HECTD4: variants seen among roughly 807,000 people sequenced by gnomAD.
HECTD4 encodes the protein probable E3 ubiquitin-protein ligase HECTD4.
A neutral mutation model predicts 471.5 loss-of-function variants in HECTD4; 114 were observed. That is an observed-to-expected ratio of 0.24 (90% CI 0.21 to 0.28). The LOEUF (loss-of-function observed/expected upper bound fraction) is 0.28. Among genes scored for constraint, HECTD4 ranks in the 10% least tolerant of loss-of-function variants. The pLI is 1.00. For missense variants in HECTD4, 3,866 were observed against 5,651.5 expected (o/e 0.68, Z 10.13); for synonymous variants, 2,012 against 2,256.0 (o/e 0.89, Z 3.07).
intron 72 of HECTD4, among the ~76,000 whole-genome samples, chr12:112,164,957 C>T (rs1169152604): frequency 2.1e-5 from 3 of 145,384 alleles, no homozygotes; most frequent in Admixed American, 7.0e-5. Context: ...GACAGATTCT[C>T]GCTCTGTCAG....
In HECTD4 at chr12:112,256,452, A is replaced by G. The variant is rs1481152675; in HGVS notation, c.3195T>C (p.Ala1065=). Residue 1065 remains alanine, a synonymous_variant, in exon 21 of 76, where the codon GCT becomes GCC. Transcript: ENST00000682272. ...TGLKIPAPWA[A]GKTVETVHPV... ...GGTGGACTGTTTCCACAGTCTTTCC[A>G]GCAGCCCATGGGGCAGGAATCTTTA... 1.2e-6 allele frequency: 2 copies of G among 1,611,996 alleles called. No homozygotes were observed. Among genetic ancestry groups the G allele is most frequent in the South Asian group, 1.1e-5 (1 of 90,550 alleles).
chr12:112,229,622 T>C (rs188382948), intron 41 of HECTD4, 76 bp downstream of exon 41: 14 of 1,402,128 alleles, frequency 1.0e-5, no homozygotes, highest in Non-Finnish European at 1.4e-5. Flanking sequence ...ATACTTGTCT[T>C]ACAGATGATC....
At chr12:112,202,501 TG>T (rs1272851672) in intron 54 of HECTD4, among the ~76,000 whole-genome samples, 2 of 152,148 alleles carry the variant, frequency 1.3e-5, no homozygotes, top group Admixed American at 1.3e-4. Context: ...CCACCACATC[TG>T]GCCTAAAGAT....
intron 7 of HECTD4, among the ~76,000 whole-genome samples, chr12:112,290,867 A>AAAAAAAAAAC (rs1566100751): frequency 4.1e-5 from 6 of 147,278 alleles, no homozygotes; most frequent in Admixed American, 6.7e-5. Context: ...ACAAAACAAA[A>AAAAAAAAAAC]AAAAAAAACA....
intron 7 of HECTD4, among the ~76,000 whole-genome samples, chr12:112,301,524 T>C: frequency 6.6e-6 from 1 of 152,250 alleles, no homozygotes; most frequent in East Asian, 1.9e-4. Flanking sequence ...CTCTTTATTT[T>C]CTGTTCTCTT....
At chr12:112,258,190 G>GA (rs71920161) in intron 20 of HECTD4, among the ~76,000 whole-genome samples, 164 of 128,150 alleles carry the variant, frequency 1.3e-3, no homozygotes, top group Middle Eastern at 8.3e-3. Flanking sequence ...CTCCATCTCA[G>GA]AAAAAAAAAA....
rs768809569 is a variant in HECTD4, at chr12:112,229,793, G to A, written c.6424C>T (p.Leu2142Phe). 1.2e-6 allele frequency: 2 copies of A among 1,613,886 alleles called. No individual in the cohort carries two copies. The highest frequency in any genetic ancestry group is 1.7e-6 in the Non-Finnish European group (2 of 1,179,890). Residue 2142 changes from leucine to phenylalanine, a missense_variant, in exon 41 of 76, where the codon CTT becomes TTT. Physicochemically the swap from Leu to Phe is conservative, Grantham distance 22. This residue lies in a region of HECTD4 where 617 missense variants were observed against 915.1 expected (regional missense o/e 0.67). Transcript: ENST00000682272. ...LENGSSSGRK[L>F]AKLQRIARQA... Reference sequence around the variant, plus strand: ...CGTGCAATTCTCTGAAGTTTGGCAAGTTTCCTGCCACTGCTGCTGCCATTT... The same window carrying A: ...CGTGCAATTCTCTGAAGTTTGGCAAATTTCCTGCCACTGCTGCTGCCATTT...
intron 32 of HECTD4, among the ~76,000 whole-genome samples, chr12:112,242,883 C>T (rs753347303): frequency 5.9e-5 from 9 of 152,276 alleles, no homozygotes; most frequent in Non-Finnish European, 1.0e-4. Flanking sequence ...TGCACTCCAG[C>T]CTTGGTGACA....
intron 70 of HECTD4, 65 bp from the exon 71 acceptor site, chr12:112,167,982 C>T (rs2031048259): frequency 5.5e-6 from 7 of 1,262,810 alleles, no homozygotes; most frequent in Non-Finnish European, 6.9e-6. Context: ...CCGTTCCCTC[C>T]CTCTCACCTG....
At position 112,270,325 on chromosome 12, in the gene HECTD4, T is replaced by C. The variant is rs754623604; in HGVS notation, c.2077A>G (p.Ile693Val). The C allele has an allele frequency of 3.1e-6, 5 of 1,613,932 alleles. No homozygotes were observed. In the East Asian group the frequency reaches 6.7e-5, roughly 22 times the overall value. ...ITSVLGKQHP[I>V]EAHHLSSICD... ...ATACTGCTAAGATGATGTGCTTCAA[T>C]TGGATGCTGCTTGCCCAAGACACTT... Residue 693 changes from isoleucine (I) to valine (V), a missense_variant, in exon 12 of 76, where the codon ATT becomes GTT. Ile to Val is a conservative substitution (Grantham distance 29, BLOSUM62 3). Around this residue, in one of 16 missense-constraint regions of HECTD4, gnomAD observed 525 missense variants for 672.6 expected, o/e 0.78. Transcript: ENST00000682272.
chr12:112,304,864 G>GTTGGA (rs541269545), intron 7 of HECTD4, among the ~76,000 whole-genome samples: 1 of 152,142 alleles, frequency 6.6e-6, no homozygotes, highest in South Asian at 2.1e-4. Flanking sequence ...CTGCTGCTGG[G>GTTGGA]TTGGATGACT....
chr12:112,355,836 A>G (rs1201496682), intron 1 of HECTD4, among the ~76,000 whole-genome samples: 1 of 152,242 alleles, frequency 6.6e-6, no homozygotes, highest in Non-Finnish European at 1.5e-5. Flanking sequence ...GATTTATTCA[A>G]TCACATTGTG....
chr12:112,184,307 C>CCCCAGGCTG lies in HECTD4; in HGVS notation c.10650_10658dup (p.Ser3551_Gly3553dup), dbSNP rs541859196. 29 of 1,613,332 alleles carry CCCCAGGCTG rather than the reference C, an allele frequency of 1.8e-5. No homozygotes were observed. Among genetic ancestry groups the CCCCAGGCTG allele is most frequent in the Middle Eastern group, 1.6e-4 (1 of 6,084 alleles). ...CCGTCTCTGCATTGTCCAGGGGCTC[C>CCCCAGGCTG]CCCAGGCTGCCCAGGCTGCCCAGGC... On this transcript the variant is annotated inframe_insertion, in exon 61 of 76. Transcript: ENST00000682272. This position sits in a 1 kb window ranked among gnomAD's most constrained non-coding sequence, Gnocchi z 9.1.
At chr12:112,190,097 C>T (rs1384275610) in intron 60 of HECTD4, among the ~76,000 whole-genome samples, 1 of 152,166 alleles carries the variant, frequency 6.6e-6, no homozygotes, top group Non-Finnish European at 1.5e-5. Flanking sequence ...TGGAAAAATT[C>T]AAAAATATAG....
intron 1 of HECTD4, among the ~76,000 whole-genome samples, chr12:112,350,857 G>A (rs1342701797): frequency 6.6e-6 from 1 of 152,172 alleles, no homozygotes; most frequent in African/African-American, 2.4e-5. Flanking sequence ...CAGTGACAGG[G>A]CTAGGTCAAC....
intron 1 of HECTD4, among the ~76,000 whole-genome samples, chr12:112,371,687 G>A (rs1242821543): frequency 6.6e-6 from 1 of 151,978 alleles, no homozygotes; most frequent in Non-Finnish European, 1.5e-5. Context: ...AGGAGTTCGA[G>A]ACCAGCCTGA....
chr12:112,302,440 A>C (rs2035185059), intron 7 of HECTD4: 2 of 753,870 alleles, frequency 2.7e-6, no homozygotes, highest in African/African-American at 3.4e-5. Flanking sequence ...TAATAGCAGG[A>C]GGCACTTTCA....
chr12:112,311,113 T>C (rs2035360822), intron 4 of HECTD4, among the ~76,000 whole-genome samples: 1 of 151,890 alleles, frequency 6.6e-6, no homozygotes, highest in South Asian at 2.1e-4. Flanking sequence ...AATACAAAAA[T>C]TAGCCGGGCA....
chr12:112,313,184 G>T, intron 3 of HECTD4, 37 bp from the exon 4 acceptor site: 2 of 1,499,892 alleles, frequency 1.3e-6, no homozygotes, highest in Non-Finnish European at 1.8e-6. Flanking sequence ...AAGACACTGA[G>T]ACAATCCATT....
Sources: allele counts gnomAD v4.1 joint callset (sites outside exome capture counted in the v4.1 genomes callset), GRCh38; gene constraint gnomAD v4.1.1; regional missense constraint gnomAD v4.1.1; non-coding constraint Gnocchi (gnomAD v3.1); transcripts MANE v1.5; gene names NCBI Gene and HGNC (gene_info 2026-07-23, HGNC 2026-07-21).